The following PCDH9 variants were observed in gnomAD, a reference collection of about 807,000 sequenced individuals.
PCDH9 encodes the protein protocadherin 9, also known as protocadherin-9.
Under a neutral mutation model 70.6 loss-of-function variants are expected in PCDH9, and 24 were observed. The observed-to-expected ratio is 0.34, with a 90% CI of 0.25 to 0.48. The LOEUF (loss-of-function observed/expected upper bound fraction) is 0.48, where lower values mean the gene tolerates loss of function less well. Among genes scored for constraint, PCDH9 ranks in the 20% least tolerant of loss-of-function variants. The pLI is 0.99. For synonymous variants in PCDH9, 562 were observed against 558.5 expected (o/e 1.01, Z -0.09); for missense variants, 1,281 against 1,503.6 (o/e 0.85, Z 2.45).
At chr13:67,089,965 T>G (rs1018784909) in intron 2 of PCDH9, among the ~76,000 whole-genome samples, 7 of 152,010 alleles carry the variant, frequency 4.6e-5, no homozygotes, top group African/African-American at 1.7e-4. Context: ...GCCGTTTTTA[T>G]TTTTCTTAAT....
At chr13:66,445,895 A>G (rs1281171151) in intron 4 of PCDH9, among the ~76,000 whole-genome samples, 1 of 150,792 alleles carries the variant, frequency 6.6e-6, no homozygotes, top group Non-Finnish European at 1.5e-5. Context: ...TTTCTCTTCC[A>G]TGTTTATTTC....
At chr13:66,708,819 C>T (rs943941318) in intron 3 of PCDH9, among the ~76,000 whole-genome samples, 3 of 152,096 alleles carry the variant, frequency 2.0e-5, no homozygotes, top group Non-Finnish European at 4.4e-5. Flanking sequence ...AAACTAACAC[C>T]CAAGAGCAAA....
At chr13:66,585,566 A>G (rs578079535) in intron 4 of PCDH9, among the ~76,000 whole-genome samples, 1 of 152,252 alleles carries the variant, frequency 6.6e-6, no homozygotes, top group Non-Finnish European at 1.5e-5. Context: ...CTTAAAAAAT[A>G]TTTCAGCAAT....
intron 4 of PCDH9, among the ~76,000 whole-genome samples, chr13:66,437,003 C>T (rs560714843): frequency 4.4e-4 from 67 of 150,940 alleles, no homozygotes; most frequent in African/African-American, 1.6e-3. Context: ...GTCAAAGGAA[C>T]TATGATCAAG....
intron 3 of PCDH9, among the ~76,000 whole-genome samples, chr13:66,774,630 T>A (rs2079861664): frequency 6.6e-6 from 1 of 152,350 alleles, no homozygotes; most frequent in East Asian, 1.9e-4. Flanking sequence ...GTACCCACAT[T>A]TGGGCATTGT....
chr13:66,328,193 C>A (rs930747113), intron 4 of PCDH9, among the ~76,000 whole-genome samples: 4 of 152,164 alleles, frequency 2.6e-5, no homozygotes, highest in Non-Finnish European at 5.9e-5. Flanking sequence ...AATTTTGAAG[C>A]ATTGAACAAA....
intron 4 of PCDH9, among the ~76,000 whole-genome samples, chr13:66,581,559 T>C (rs1308347398): frequency 6.6e-6 from 1 of 152,160 alleles, no homozygotes; most frequent in East Asian, 1.9e-4. Flanking sequence ...GAAGGGAGAA[T>C]GCAGACAAAA....
chr13:67,226,769 C>T lies in PCDH9; in HGVS notation c.1672G>A (p.Val558Met). The T allele has an allele frequency of 6.2e-7, 1 of 1,614,162 alleles. No individual in the cohort carries two copies. Among genetic ancestry groups the T allele is most frequent in the Non-Finnish European group, 8.5e-7 (1 of 1,180,012 alleles). ...GTPPLQSQAA[V>M]IVTVLDENDN... ...TTCTCATCCAGAACAGTAACAATCA[C>T]AGCCGCTTGGCTTTGGAGGGGAGGG... The change falls in exon 2 of 5, where the codon GTG (valine) becomes ATG (methionine). Residue 558 changes from valine to methionine, a missense_variant. This residue lies in a region of PCDH9 where 798 missense variants were observed against 1,003.1 expected (regional missense o/e 0.80). Transcript: ENST00000377865. This position sits in a 1 kb window ranked among gnomAD's most constrained non-coding sequence, Gnocchi z 5.0.
rs557579657 is a variant in PCDH9, at chr13:66,866,871, T to G, written c.3138+36633A>C. On this transcript the variant is annotated intron_variant, in intron 3 of 4. Transcript: ENST00000377865. The stretch of plus-strand genomic sequence containing the variant: ...ATACCATCATTTCACAGTAGAGAGA[T>G]ATATTTCTGACATTTCTGAAATACA... Among the ~76,000 whole-genome samples the G allele has an allele frequency of 3.9e-5, 6 of 152,328 alleles. 1 individual carries two copies. The South Asian group carries it at 1.0e-3, about 26-fold the overall frequency.
At chr13:67,126,255 C>A (rs2086977658) in intron 2 of PCDH9, among the ~76,000 whole-genome samples, 1 of 152,226 alleles carries the variant, frequency 6.6e-6, no homozygotes, top group East Asian at 1.9e-4. Context: ...TCATAAATTT[C>A]AGTATTCTCA....
chr13:66,475,796 T>G (rs899863102), intron 4 of PCDH9, among the ~76,000 whole-genome samples: 1 of 152,076 alleles, frequency 6.6e-6, no homozygotes, highest in Non-Finnish European at 1.5e-5. Context: ...CTAAAAAAAC[T>G]GCAAACAATT....
At chr13:66,753,868 A>G (rs553948153) in intron 3 of PCDH9, among the ~76,000 whole-genome samples, 2 of 152,320 alleles carry the variant, frequency 1.3e-5, no homozygotes, top group Admixed American at 1.3e-4. Context: ...AAAAACACAC[A>G]TGGGGATGAA....
intron 4 of PCDH9, among the ~76,000 whole-genome samples, chr13:66,451,672 A>G (rs1289324014): frequency 6.6e-6 from 1 of 152,216 alleles, no homozygotes; most frequent in Non-Finnish European, 1.5e-5. Flanking sequence ...CAATTCCCAG[A>G]AGTCACAAAG....
chr13:66,697,497 T>C (rs1231031289), intron 3 of PCDH9, among the ~76,000 whole-genome samples: 2 of 152,198 alleles, frequency 1.3e-5, no homozygotes, highest in African/African-American at 2.4e-5. Context: ...AGAATTAAAG[T>C]AATTGCACCA....
At chr13:66,929,985 G>A (rs1210008834) in intron 2 of PCDH9, among the ~76,000 whole-genome samples, 1 of 152,088 alleles carries the variant, frequency 6.6e-6, no homozygotes, top group African/African-American at 2.4e-5. Flanking sequence ...TAGTTATCCG[G>A]TTAAACAGAG....
intron 3 of PCDH9, among the ~76,000 whole-genome samples, chr13:66,703,645 T>C (rs553887011): frequency 1.2e-4 from 18 of 152,238 alleles, no homozygotes; most frequent in African/African-American, 4.3e-4. Context: ...TGCCTGTAAT[T>C]GAATTTTGGG....
chr13:67,068,975 CTA>C (rs139669956), intron 2 of PCDH9, among the ~76,000 whole-genome samples: 12,360 of 152,128 alleles, frequency 0.081, 672 homozygotes, highest in South Asian at 0.14. Flanking sequence ...AGAAAGGTCT[CTA>C]AACAAAAATC....
At chr13:66,488,028 G>T (rs17081358) in intron 4 of PCDH9, among the ~76,000 whole-genome samples, 1 of 152,040 alleles carries the variant, frequency 6.6e-6, no homozygotes, top group Non-Finnish European at 1.5e-5. Flanking sequence ...TCCTGGTGCC[G>T]AACCATACAC....
intron 4 of PCDH9, among the ~76,000 whole-genome samples, chr13:66,592,236 A>G (rs902892432): frequency 2.0e-5 from 3 of 151,736 alleles, no homozygotes; most frequent in Admixed American, 2.0e-4. Flanking sequence ...AAAAAAATAG[A>G]ACACAATTTC....
Sources: allele counts gnomAD v4.1 joint callset (sites outside exome capture counted in the v4.1 genomes callset), GRCh38; gene constraint gnomAD v4.1.1; regional missense constraint gnomAD v4.1.1; non-coding constraint Gnocchi (gnomAD v3.1); transcripts MANE v1.5; gene names NCBI Gene and HGNC (gene_info 2026-07-23, HGNC 2026-07-21).